The following PRDM6 variants were observed in gnomAD, a reference collection of about 807,000 sequenced individuals.
PRDM6 encodes the protein PR/SET domain 6, also known as putative histone-lysine N-methyltransferase PRDM6.
In PRDM6, 25 loss-of-function variants were observed where a neutral mutation model predicts 60.8. That is an observed-to-expected ratio of 0.41 (90% CI 0.30 to 0.57). The LOEUF (loss-of-function observed/expected upper bound fraction) is 0.57. Ranked by LOEUF, PRDM6 falls within the 20% of genes least tolerant of loss-of-function variation. The pLI, the probability that PRDM6 is intolerant of heterozygous loss-of-function variation, is 0.27. For synonymous variants in PRDM6, 407 were observed against 357.4 expected, an observed-to-expected ratio of 1.14 and a Z score of -1.57; for missense variants, 839 against 821.3, an observed-to-expected ratio of 1.02 and a Z score of -0.26.
In PRDM6 at chr5:123,192,087, G is replaced by A. The variant is rs1450980838; in HGVS notation, c.*4886G>A. The A allele has an allele frequency of 6.6e-6, 1 of 152,188 alleles. No homozygotes were observed. The highest frequency in any genetic ancestry group is 1.5e-5 in the Non-Finnish European group (1 of 68,038). The allele number at this position is 152,188 out of a possible 1,614,324, so 9.4% of individuals were successfully genotyped here. On this transcript the variant is annotated 3_prime_UTR_variant, in exon 8 of 8. Transcript: ENST00000407847. ...ACTGAATATGCCACCACTGCACTTA[G>A]AAAACCTATGGAGGAAATTTTAATG... is the stretch of plus-strand genomic sequence containing the variant.
At chr5:123,154,155 AAAAAC>A (rs1309827349) in intron 3 of PRDM6, among the ~76,000 whole-genome samples, 1 of 152,208 alleles carries the variant, frequency 6.6e-6, no homozygotes, top group Non-Finnish European at 1.5e-5. Flanking sequence ...AAACAAAAAC[AAAAAC>A]AAAACCCCAC....
At chr5:123,159,265 G>A (rs1290537213) in intron 4 of PRDM6, among the ~76,000 whole-genome samples, 1 of 152,102 alleles carries the variant, frequency 6.6e-6, no homozygotes, top group East Asian at 1.9e-4. Flanking sequence ...TGTCTCCTGG[G>A]CTAAATATCT....
chr5:123,165,171 C>A (rs1204098150), intron 5 of PRDM6, among the ~76,000 whole-genome samples: 5 of 152,190 alleles, frequency 3.3e-5, no homozygotes, highest in Admixed American at 1.3e-4. Flanking sequence ...TTACTGAGCG[C>A]CAGACTCCTC....
chr5:123,106,774 A>G (rs1764206731), intron 3 of PRDM6, among the ~76,000 whole-genome samples: 1 of 152,244 alleles, frequency 6.6e-6, no homozygotes, highest in South Asian at 2.1e-4. Flanking sequence ...CTTTGAAGGC[A>G]TCAGCATGAA....
intron 3 of PRDM6, among the ~76,000 whole-genome samples, chr5:123,121,559 G>A (rs28703611): frequency 0.014 from 2,123 of 151,842 alleles, 49 homozygotes; most frequent in African/African-American, 0.048. Flanking sequence ...TTTTCTTGTT[G>A]GACTATGTAA....
chr5:123,107,569 A>G (rs150281009), intron 3 of PRDM6, among the ~76,000 whole-genome samples: 1 of 152,334 alleles, frequency 6.6e-6, no homozygotes, highest in African/African-American at 2.4e-5. Flanking sequence ...GCTTAGTACA[A>G]AGTAACTGAC....
At chr5:123,144,926 A>G (rs1348127122) in intron 3 of PRDM6, among the ~76,000 whole-genome samples, 1 of 152,050 alleles carries the variant, frequency 6.6e-6, no homozygotes, top group African/African-American at 2.4e-5. Context: ...CTGACTGTCC[A>G]TCTCTTCATC....
rs1348818804 is a variant in PRDM6 at position 123,177,983 on chromosome 5, T to C, written c.1497-2164T>C. On this transcript the variant is annotated intron_variant, in intron 6 of 7. Transcript: ENST00000407847. ...CATAGGTCACTGCATCCCTAGCATA[T>C]GCCTCTCAAGCCAGTGCCAGGCAAA... Among the ~76,000 whole-genome samples the C allele has an allele frequency of 5.9e-5, 9 of 152,186 alleles. No homozygotes were observed. The East Asian group carries it at 1.5e-3, about 26-fold the overall frequency.
chr5:123,102,132 G>T lies in PRDM6; in HGVS notation c.900+2171G>T, dbSNP rs146453773. 3.2e-3 allele frequency among the ~76,000 whole-genome samples: 494 copies of T among 152,126 alleles called. 3 individuals carry two copies. The highest frequency in any genetic ancestry group is 0.011 in the African/African-American group (463 of 41,484). On this transcript the variant is annotated intron_variant, in intron 3 of 7. Transcript: ENST00000407847. ...AACAGTTAGAATAAGGTACATTTGG[G>T]AATTGAAGGGATTTTAAAACTTTAG...
At chr5:123,146,860 G>T (rs561201476) in intron 3 of PRDM6, among the ~76,000 whole-genome samples, 1 of 152,170 alleles carries the variant, frequency 6.6e-6, no homozygotes, top group Non-Finnish European at 1.5e-5. Context: ...GGATACAAAC[G>T]TGGTAATAAT....
chr5:123,162,340 C>T (rs1297559711), intron 5 of PRDM6, among the ~76,000 whole-genome samples: 1 of 152,190 alleles, frequency 6.6e-6, no homozygotes, highest in African/African-American at 2.4e-5. Context: ...GAGCATACCA[C>T]TGGCCTTCAG....
intron 7 of PRDM6, among the ~76,000 whole-genome samples, chr5:123,180,894 A>G (rs554050386): frequency 6.6e-6 from 1 of 152,358 alleles, no homozygotes; most frequent in Admixed American, 6.5e-5. Flanking sequence ...GTGAAAAAAG[A>G]AAAACAAAAC....
chr5:123,129,338 T>TGGGGATACC (rs1764767661), intron 3 of PRDM6, among the ~76,000 whole-genome samples: 1 of 152,194 alleles, frequency 6.6e-6, no homozygotes, highest in Admixed American at 6.5e-5. Context: ...ATTGAATCTA[T>TGGGGATACC]ATATTACCTT....
chr5:123,100,615 G>A (rs1313041992), intron 3 of PRDM6, among the ~76,000 whole-genome samples: 1 of 152,200 alleles, frequency 6.6e-6, no homozygotes, highest in Non-Finnish European at 1.5e-5. Context: ...CTTCTCTGAT[G>A]AACGGAAATT....
At chr5:123,114,873 T>C (rs1433800719) in intron 3 of PRDM6, among the ~76,000 whole-genome samples, 9 of 152,348 alleles carry the variant, frequency 5.9e-5, no homozygotes, top group South Asian at 2.1e-4. Flanking sequence ...AGCTGACTTA[T>C]GTTTTCAAAG....
intron 3 of PRDM6, among the ~76,000 whole-genome samples, chr5:123,121,616 A>G (rs554835654): frequency 2.0e-4 from 30 of 152,332 alleles, no homozygotes; most frequent in South Asian, 4.1e-4. Context: ...ATATTTTAAT[A>G]TCTGTCTTTA....
chr5:123,114,574 A>G (rs1764391481), intron 3 of PRDM6, among the ~76,000 whole-genome samples: 1 of 152,218 alleles, frequency 6.6e-6, no homozygotes, highest in Non-Finnish European at 1.5e-5. Context: ...TTCTGCTAAA[A>G]AATTAATTTT....
chr5:123,175,023 GT>G (rs1332354436), intron 6 of PRDM6, among the ~76,000 whole-genome samples: 2 of 150,040 alleles, frequency 1.3e-5, no homozygotes, highest in South Asian at 4.2e-4. Flanking sequence ...AACATTTGGG[GT>G]TTTGCATAAG....
Position 123,190,160 on chromosome 5 carries a change from TTACTC to T in PRDM6, c.*2961_*2965del, listed in dbSNP as rs1205594154. On this transcript the variant is annotated 3_prime_UTR_variant, in exon 8 of 8. Transcript: ENST00000407847. Reference sequence around the variant, plus strand: ...GTTTGGCTCTTGAAGCAATCCTTCTTTACTCTTTTCTTTCAATGGGGATAAAATAA... The same window carrying T: ...GTTTGGCTCTTGAAGCAATCCTTCTTTTTTCTTTCAATGGGGATAAAATAA... 1 of 152,196 alleles carries T rather than the reference TTACTC, an allele frequency of 6.6e-6. No homozygotes were observed. The highest frequency in any genetic ancestry group is 1.5e-5 in the Non-Finnish European group (1 of 68,038). The allele number at this position is 152,196 out of a possible 1,614,324, so 9.4% of individuals were successfully genotyped here.
Sources: gnomAD v4.1 joint callset for allele counts (sites outside exome capture counted in the v4.1 genomes callset) on GRCh38, gnomAD v4.1.1 for gene constraint, MANE v1.5 for transcripts, NCBI Gene and HGNC (gene_info 2026-07-23, HGNC 2026-07-21) for gene names.